Variants in MIER3 observed in about 807,000 individuals in gnomAD.
MIER3 encodes mesoderm induction early response protein 3.
A neutral mutation model predicts 63.2 loss-of-function variants in MIER3; 9 were observed. The observed-to-expected ratio is 0.14, with a 90% CI of 0.09 to 0.25. The LOEUF (loss-of-function observed/expected upper bound fraction) is 0.25. MIER3 is among the 10% of genes least tolerant of loss of function. MIER3 has a pLI of 1.00. For synonymous variants in MIER3, 205 were observed against 224.9 expected (o/e 0.91, Z 0.79); for missense variants, 512 against 666.2 (o/e 0.77, Z 2.55).
chr5:56,923,901 G>A lies in MIER3; in HGVS notation c.1052+14C>T, dbSNP rs774572005. ...TTAAAAGTAAGTCTTTGAAGGCAAG[G>A]CCACAGTACTTACGTAACTCCAGGG... On this transcript the variant is annotated intron_variant, in intron 11 of 12. Coordinates refer to ENST00000381199, the MANE Select transcript of MIER3 (RefSeq NM_001297599.2). The A allele has an allele frequency of 1.9e-6, 3 of 1,613,860 alleles. No homozygotes were observed. In the African/African-American group the frequency reaches 4.0e-5, roughly 22 times the overall value.
chr5:56,924,229 TGAG>T (rs1484340892), intron 10 of MIER3, among the ~76,000 whole-genome samples, 187 bp from the exon 11 acceptor site: 1 of 152,048 alleles, frequency 6.6e-6, no homozygotes, highest in African/African-American at 2.4e-5. Flanking sequence ...CATTTAATAA[TGAG>T]GCCATTTTCG....
intron 1 of MIER3, among the ~76,000 whole-genome samples, chr5:56,951,553 G>T (rs1230585344): frequency 6.6e-6 from 1 of 152,164 alleles, no homozygotes; most frequent in Non-Finnish European, 1.5e-5. Flanking sequence ...CGGTGGCCCC[G>T]CATCCCGCTC....
intron 10 of MIER3, chr5:56,925,342 C>T (rs1434156247): frequency 4.4e-6 from 2 of 454,672 alleles, no homozygotes; most frequent in African/African-American, 4.0e-5. Context: ...GGTGACATGA[C>T]TGTCTACGTA....
At chr5:56,935,615 T>G (rs1240892762) in intron 6 of MIER3, 51 bp downstream of exon 6, 3 of 1,550,576 alleles carry the variant, frequency 1.9e-6, no homozygotes, top group Non-Finnish European at 2.6e-6. Context: ...ATAAATCATT[T>G]CAGAAATATT....
At chr5:56,937,782 TAAG>T (rs1307732074) in intron 4 of MIER3, 84 bp from the exon 5 acceptor site, 36 of 1,250,900 alleles carry the variant, frequency 2.9e-5, no homozygotes, top group African/African-American at 2.0e-4. Flanking sequence ...AACATATCAT[TAAG>T]AAGCAGTTGG....
intron 9 of MIER3, chr5:56,929,247 G>A (rs577909807): frequency 6.4e-6 from 1 of 156,792 alleles, no homozygotes; most frequent in Admixed American, 6.5e-5. Context: ...TTGGGGGAAA[G>A]AAGCTCTGTT....
At position 56,952,083 on chromosome 5, in the gene MIER3, T is replaced by C; in HGVS notation, c.9+11A>G. The stretch of plus-strand genomic sequence containing the variant: ...CCAGCCCGGCTGCTCCTGCCCGGTT[T>C]CCCTGCTCACCTCCGCCATATTGGT... On this transcript the variant is annotated intron_variant, in intron 1 of 12. Coordinates refer to ENST00000381199, the MANE Select transcript of MIER3 (RefSeq NM_001297599.2). 2.5e-5 allele frequency: 33 copies of C among 1,301,892 alleles called. No homozygotes were observed. The highest frequency in any genetic ancestry group is 3.3e-5 in the Non-Finnish European group (33 of 1,007,442). 80.6% of individuals were successfully genotyped at this position (1,301,892 alleles called of 1,614,324 possible). A position where few individuals can be genotyped will look rare whatever the true frequency, so the allele number is the denominator to read the frequency against.
intron 10 of MIER3, among the ~76,000 whole-genome samples, chr5:56,926,081 T>G (rs1174788598): frequency 2.0e-5 from 3 of 152,062 alleles, no homozygotes; most frequent in African/African-American, 7.2e-5. Flanking sequence ...TAGACCTTAC[T>G]CCTTTCAAAA....
rs1186852210 is a variant in MIER3 at position 56,923,115 on chromosome 5, A to T, written c.*13T>A. 1 of 1,608,002 alleles carries T rather than the reference A, an allele frequency of 6.2e-7. No homozygotes were observed. The highest frequency in any genetic ancestry group is 1.3e-5 in the African/African-American group (1 of 74,804). ...CTGGTGCTGCACACGCAGTTCCGGG[A>T]TCCTCACTCAGGTCACTCAGAGTGT... On this transcript the variant is annotated 3_prime_UTR_variant, in exon 13 of 13. Transcript: ENST00000381199.
intron 3 of MIER3, among the ~76,000 whole-genome samples, chr5:56,946,277 T>A (rs1255265933): frequency 6.6e-6 from 1 of 152,166 alleles, no homozygotes; most frequent in Non-Finnish European, 1.5e-5. Flanking sequence ...TAAGTAAGCA[T>A]AAATCCTACA....
At chr5:56,941,942 T>C (rs930001646) in intron 3 of MIER3, among the ~76,000 whole-genome samples, 9 of 152,106 alleles carry the variant, frequency 5.9e-5, no homozygotes, top group Non-Finnish European at 8.8e-5. Context: ...TCCCCAGTTT[T>C]CTATTTGAGC....
intron 5 of MIER3, among the ~76,000 whole-genome samples, chr5:56,937,090 A>ATTG (rs939522153): frequency 5.9e-5 from 9 of 151,464 alleles, no homozygotes; most frequent in Non-Finnish European, 1.3e-4. Context: ...TATTATTATT[A>ATTG]TTGAGACAGA....
chr5:56,949,004 T>A (rs1304977271), intron 2 of MIER3, among the ~76,000 whole-genome samples: 1 of 152,222 alleles, frequency 6.6e-6, no homozygotes, highest in Non-Finnish European at 1.5e-5. Flanking sequence ...TAGGTCTAGC[T>A]CCTGTCTTCC....
At chr5:56,945,622 C>A (rs1035806553) in intron 3 of MIER3, among the ~76,000 whole-genome samples, 2 of 152,220 alleles carry the variant, frequency 1.3e-5, no homozygotes, top group African/African-American at 4.8e-5. Context: ...AGTGCTACTA[C>A]GAGAAAATTG....
At chr5:56,951,287 G>A (rs115213586) in intron 1 of MIER3, among the ~76,000 whole-genome samples, 32 of 152,104 alleles carry the variant, frequency 2.1e-4, no homozygotes, top group African/African-American at 7.7e-4. Flanking sequence ...TGGACCGTCA[G>A]CGCGCCCCCC....
At chr5:56,944,624 A>G (rs1049051148) in intron 3 of MIER3, among the ~76,000 whole-genome samples, 6 of 152,246 alleles carry the variant, frequency 3.9e-5, no homozygotes, top group African/African-American at 1.4e-4. Flanking sequence ...AATGTTAGTA[A>G]CTAACGCCTG....
intron 3 of MIER3, among the ~76,000 whole-genome samples, chr5:56,944,586 T>A (rs932042701): frequency 6.6e-6 from 1 of 152,198 alleles, no homozygotes; most frequent in Non-Finnish European, 1.5e-5. Flanking sequence ...TATCACTGGA[T>A]GGACCAAATG....
chr5:56,937,794 G>A, intron 4 of MIER3, 96 bp from the exon 5 acceptor site: 1 of 1,033,632 alleles, frequency 9.7e-7, no homozygotes, highest in Non-Finnish European at 1.3e-6. Flanking sequence ...AGAAGCAGTT[G>A]GAACCTTATG....
In MIER3 at chr5:56,950,750, T is replaced by C. The variant is rs574292760; in HGVS notation, c.10-98A>G. 52 of 1,388,398 alleles carry C rather than the reference T, an allele frequency of 3.7e-5. No homozygotes were observed. In the Admixed American group the frequency reaches 8.2e-4, roughly 22 times the overall value. 86.0% of individuals were successfully genotyped at this position (1,388,398 alleles called of 1,614,324 possible). A position where few individuals can be genotyped will look rare whatever the true frequency, so the allele number is the denominator to read the frequency against. On this transcript the variant is annotated intron_variant, in intron 1 of 12. Transcript: ENST00000381199. ...CAGAGGAGGCGGAGTCGAGCGCTCC[T>C]CCGCAGCTGCCAAAAGTGCAAGACG...
Sources: allele counts gnomAD v4.1 joint callset (sites outside exome capture counted in the v4.1 genomes callset), GRCh38; gene constraint gnomAD v4.1.1; transcripts MANE v1.5; gene names NCBI Gene and HGNC (gene_info 2026-07-23, HGNC 2026-07-21).